GPR63: variants seen among roughly 807,000 people sequenced by gnomAD.
GPR63 encodes probable G protein-coupled receptor 63.
Under a neutral mutation model 23.1 loss-of-function variants are expected in GPR63, and 12 were observed. The ratio of observed to expected loss-of-function variants is 0.52; its 90% CI spans 0.33 to 0.84. GPR63 has a LOEUF of 0.84. Ranked by LOEUF, GPR63 falls within the 40% of genes least tolerant of loss-of-function variation. The pLI, the probability that GPR63 is intolerant of heterozygous loss-of-function variation, is 0.02. For missense variants in GPR63, 472 were observed against 515.6 expected (o/e 0.92, Z 0.82); for synonymous variants, 172 against 191.1 (o/e 0.90, Z 0.82).
At chr6:96,819,734 AC>A (rs148666604) in intron 1 of GPR63, among the ~76,000 whole-genome samples, 1 of 151,228 alleles carries the variant, frequency 6.6e-6, no homozygotes, top group South Asian at 2.1e-4. Context: ...CAAAAAAAAA[AC>A]AAAAAAACAA....
At chr6:96,817,970 T>G (rs550367815) in intron 1 of GPR63, among the ~76,000 whole-genome samples, 14 of 151,756 alleles carry the variant, frequency 9.2e-5, no homozygotes, top group Non-Finnish European at 1.9e-4. Flanking sequence ...TGAAAAATAT[T>G]AAAACTTTCT....
chr6:96,803,316 C>T (rs1773818579), intron 1 of GPR63, among the ~76,000 whole-genome samples: 1 of 152,144 alleles, frequency 6.6e-6, no homozygotes, highest in African/African-American at 2.4e-5. Context: ...GACCAGTCAC[C>T]TGTATATGGA....
intron 1 of GPR63, among the ~76,000 whole-genome samples, chr6:96,813,452 C>CA (rs1774092021): frequency 6.6e-6 from 1 of 152,124 alleles, no homozygotes; most frequent in Non-Finnish European, 1.5e-5. Flanking sequence ...TGTTTAATTT[C>CA]CATATATTTG....
chr6:96,834,784 G>A (rs1233162499), intron 1 of GPR63, among the ~76,000 whole-genome samples: 1 of 152,096 alleles, frequency 6.6e-6, no homozygotes, highest in Admixed American at 6.6e-5. Context: ...AAATAGTTTT[G>A]CTTGTAGTAA....
At chr6:96,806,808 T>G (rs1440666816) in intron 1 of GPR63, among the ~76,000 whole-genome samples, 1 of 152,220 alleles carries the variant, frequency 6.6e-6, no homozygotes, top group African/African-American at 2.4e-5. Flanking sequence ...TTTGCTGTAA[T>G]GACCCTCTCT....
chr6:96,830,396 G>A lies in GPR63; in HGVS notation c.-151+6872C>T, dbSNP rs566415621. On this transcript the variant is annotated intron_variant, in intron 1 of 1. Transcript: ENST00000229955. Reference sequence around the variant, plus strand: ...TTACCTGTTTAACCTATCCATGCCTGTTACATTCCACACTGAAAATATAGT... The same window carrying A: ...TTACCTGTTTAACCTATCCATGCCTATTACATTCCACACTGAAAATATAGT... 1.6e-4 allele frequency among the ~76,000 whole-genome samples: 25 copies of A among 152,228 alleles called. No individual in the cohort carries two copies. The South Asian group carries it at 5.0e-3, about 30-fold the overall frequency.
At chr6:96,825,719 T>C (rs574744048) in intron 1 of GPR63, among the ~76,000 whole-genome samples, 1 of 152,074 alleles carries the variant, frequency 6.6e-6, no homozygotes, top group South Asian at 2.1e-4. Flanking sequence ...TTTTATGACA[T>C]GGAAGCTTAA....
intron 1 of GPR63, among the ~76,000 whole-genome samples, chr6:96,819,677 G>A (rs1306573581): frequency 2.7e-5 from 4 of 146,314 alleles, no homozygotes; most frequent in African/African-American, 1.0e-4. Context: ...AGAACTTAAA[G>A]TAAAATAAAA....
In GPR63 at chr6:96,799,634, G is replaced by T; in HGVS notation, c.98C>A (p.Pro33Gln). ...ACTGAGGTCAGGATGCTGGAATGGT[G>T]GAGGGAGTGTAATATTCATGTAGGT... ...ENTYMNITLPPPFQHPDLSPL... is the reference protein window; with the variant it reads ...ENTYMNITLPQPFQHPDLSPL... Residue 33 changes from proline to glutamine, a missense_variant, in exon 2 of 2, where the codon CCA becomes CAA. Physicochemically the swap from Pro to Gln is moderately conservative, Grantham distance 76 (BLOSUM62 -1). Coordinates refer to ENST00000229955, the MANE Select transcript of GPR63 (RefSeq NM_030784.4). The T allele has an allele frequency of 6.2e-7, 1 of 1,614,152 alleles. No individual in the cohort carries two copies. The highest frequency in any genetic ancestry group is 8.5e-7 in the Non-Finnish European group (1 of 1,180,018).
intron 1 of GPR63, among the ~76,000 whole-genome samples, chr6:96,808,707 G>C (rs1336023887): frequency 6.6e-6 from 1 of 152,014 alleles, no homozygotes; most frequent in Non-Finnish European, 1.5e-5. Context: ...CAGAGAAAAG[G>C]AGCAAAAAAG....
intron 1 of GPR63, among the ~76,000 whole-genome samples, chr6:96,810,053 G>A (rs1411875295): frequency 6.6e-6 from 1 of 152,130 alleles, no homozygotes; most frequent in Non-Finnish European, 1.5e-5. Context: ...GTAAGAGTAG[G>A]CAGTATTTCT....
intron 1 of GPR63, among the ~76,000 whole-genome samples, chr6:96,834,168 A>G (rs1774662668): frequency 6.6e-6 from 1 of 152,204 alleles, no homozygotes; most frequent in Non-Finnish European, 1.5e-5. Context: ...TGTCAAACTT[A>G]AAGCCTGAAA....
chr6:96,811,081 G>T (rs1222897059), intron 1 of GPR63, among the ~76,000 whole-genome samples: 1 of 152,156 alleles, frequency 6.6e-6, no homozygotes, highest in African/African-American at 2.4e-5. Context: ...CAGGACCTGG[G>T]TTCAAGCTTC....
chr6:96,823,600 A>G (rs1562124094), intron 1 of GPR63, among the ~76,000 whole-genome samples: 1 of 152,138 alleles, frequency 6.6e-6, no homozygotes, highest in Non-Finnish European at 1.5e-5. Context: ...TTAAAAATAA[A>G]TTTAGTGTTA....
chr6:96,809,151 A>G (rs1299897112), intron 1 of GPR63, among the ~76,000 whole-genome samples: 1 of 152,114 alleles, frequency 6.6e-6, no homozygotes, highest in Non-Finnish European at 1.5e-5. Context: ...CCATCCTTGG[A>G]TCCACATACA....
At chr6:96,819,055 G>A (rs775719625) in intron 1 of GPR63, among the ~76,000 whole-genome samples, 12 of 152,136 alleles carry the variant, frequency 7.9e-5, no homozygotes, top group African/African-American at 1.9e-4. Flanking sequence ...AAATAGGAAC[G>A]CTTTTACAGT....
At chr6:96,803,892 T>A (rs1773833037) in intron 1 of GPR63, among the ~76,000 whole-genome samples, 1 of 152,254 alleles carries the variant, frequency 6.6e-6, no homozygotes, top group Admixed American at 6.5e-5. Flanking sequence ...TTATTTGCCA[T>A]TTGTTGGAAA....
chr6:96,832,147 CAT>C (rs1210602548), intron 1 of GPR63, among the ~76,000 whole-genome samples: 1 of 151,930 alleles, frequency 6.6e-6, no homozygotes, highest in Non-Finnish European at 1.5e-5. Flanking sequence ...ATTAAAATAT[CAT>C]AGTATTTTTC....
chr6:96,796,544 C>T lies in GPR63; in HGVS notation c.*1928G>A, dbSNP rs952666558. ...GAAGCTGACCAAGGCCCTAGATGCA[C>T]CTGGGGGCAGACTGTCAGCAAGAGA... is the stretch of plus-strand genomic sequence containing the variant. On this transcript the variant is annotated 3_prime_UTR_variant, in exon 2 of 2. Coordinates refer to ENST00000229955, the MANE Select transcript of GPR63 (RefSeq NM_030784.4). 2.0e-5 allele frequency: 3 copies of T among 152,184 alleles called. No individual in the cohort carries two copies. The highest frequency in any genetic ancestry group is 7.2e-5 in the African/African-American group (3 of 41,424). 9.4% of individuals were successfully genotyped at this position (152,184 alleles called of 1,614,324 possible).
Sources: gnomAD v4.1 joint callset for allele counts (sites outside exome capture counted in the v4.1 genomes callset) on GRCh38, gnomAD v4.1.1 for gene constraint, MANE v1.5 for transcripts, NCBI Gene and HGNC (gene_info 2026-07-23, HGNC 2026-07-21) for gene names.